Variants in DMD observed in about 807,000 individuals in gnomAD.
DMD encodes dystrophin, also known as mutant dystrophin.
Under a neutral mutation model 330.1 loss-of-function variants are expected in DMD, and 63 were observed. The ratio of observed to expected loss-of-function variants is 0.19; its 90% CI spans 0.16 to 0.24. The LOEUF (loss-of-function observed/expected upper bound fraction) is 0.24, where lower values mean the gene tolerates loss of function less well. Among genes scored for constraint, DMD ranks in the 10% least tolerant of loss-of-function variants. DMD has a pLI of 1.00. For missense variants in DMD, 3,344 were observed against 2,684.1 expected, an observed-to-expected ratio of 1.25 and a Z score of -5.43; for synonymous variants, 1,223 against 959.8, an observed-to-expected ratio of 1.27 and a Z score of -5.07.
At chrX:32,736,459 A>G (rs1020231035) in intron 7 of DMD, among the ~76,000 whole-genome samples, 11 of 110,618 alleles carry the variant, frequency 9.9e-5, no homozygotes, top group African/African-American at 3.7e-4. Flanking sequence ...ATAAAGACAC[A>G]TGCACACGTA....
chrX:33,091,125 C>T lies in DMD; in HGVS notation c.32-70925G>A, dbSNP rs759649584. 7.2e-5 allele frequency among the ~76,000 whole-genome samples: 8 copies of T among 110,794 alleles called. No homozygotes were observed. In the Middle Eastern group the frequency reaches 0.019, roughly 260 times the overall value. On this transcript the variant is annotated intron_variant, in intron 1 of 78. Coordinates refer to ENST00000357033, the MANE Select transcript of DMD (RefSeq NM_004006.3). ...AACACTAAGCATATGAGTTTGTGAG[C>T]GAAGGTTTGCACATAAATGTATATA...
At chrX:32,877,038 G>C (rs1403023561) in intron 2 of DMD, among the ~76,000 whole-genome samples, 1 of 107,484 alleles carries the variant, frequency 9.3e-6, no homozygotes, top group Non-Finnish European at 1.9e-5. Context: ...AGACACAAAG[G>C]GGTGCCAGTG....
chrX:31,467,333 C>T (rs1332921221), intron 59 of DMD, among the ~76,000 whole-genome samples: 1 of 111,298 alleles, frequency 9.0e-6, no homozygotes, highest in Non-Finnish European at 1.9e-5. Context: ...TTTTGAGATA[C>T]GTTCCATCAG....
chrX:33,229,335 T>G (rs144827514), intron 1 of DMD, among the ~76,000 whole-genome samples: 4,849 of 111,361 alleles, frequency 0.044, 243 homozygotes, highest in African/African-American at 0.15. Flanking sequence ...AGTTTTATGT[T>G]TTATATTTGA....
chrX:31,939,086 T>C (rs1385086469), intron 45 of DMD, among the ~76,000 whole-genome samples: 1 of 111,916 alleles, frequency 8.9e-6, no homozygotes, highest in East Asian at 2.8e-4. Context: ...ATCTTGTAAT[T>C]TGAGAAACTT....
In DMD at chrX:31,729,659, T is replaced by C; in HGVS notation, c.7632A>G (p.Gln2544=). Residue 2544 remains glutamine (Q), a synonymous_variant, in exon 52 of 79, where the codon CAA becomes CAG. Transcript: ENST00000357033. ...AQNLKNKTSN[Q]EARTIITDRI... The stretch of plus-strand genomic sequence containing the variant: ...GATCCGTAATGATTGTTCTAGCCTC[T>C]TGATTGCTGGTCTTGTTTTTCAAAT... 8.3e-7 allele frequency: 1 copy of C among 1,211,459 alleles called. No homozygotes were observed. The highest frequency in any genetic ancestry group is 1.7e-5 in the African/African-American group (1 of 57,879).
intron 4 of DMD, among the ~76,000 whole-genome samples, chrX:32,843,274 A>AT (rs2080337531): frequency 1.8e-5 from 2 of 112,382 alleles, no homozygotes; most frequent in Non-Finnish European, 3.8e-5. Flanking sequence ...AGAATATGAT[A>AT]TTTTGATATT....
intron 48 of DMD, among the ~76,000 whole-genome samples, chrX:31,838,370 T>A (rs2093250235): frequency 8.9e-6 from 1 of 112,065 alleles, no homozygotes; most frequent in Non-Finnish European, 1.9e-5. Flanking sequence ...TAACTGAATT[T>A]TCAACCTATA....
intron 59 of DMD, among the ~76,000 whole-genome samples, chrX:31,446,217 C>G (rs143626893): frequency 0.013 from 1,495 of 112,161 alleles, 13 homozygotes; most frequent in East Asian, 0.037. Flanking sequence ...TTAGATAATA[C>G]AAAACATTGT....
intron 59 of DMD, 112 bp downstream of exon 59, chrX:31,477,993 CG>C (rs1569546052): frequency 1.3e-5 from 11 of 842,490 alleles, no homozygotes; most frequent in Admixed American, 8.4e-5. Context: ...TTGTGAAAGA[CG>C]GACTGATTTC....
intron 47 of DMD, among the ~76,000 whole-genome samples, chrX:31,889,363 GAT>G (rs2094201005): frequency 1.8e-5 from 2 of 110,690 alleles, no homozygotes; most frequent in East Asian, 5.7e-4. Context: ...TGTTCACCTT[GAT>G]CTAAACCTAC....
Position 32,472,203 on chromosome X carries a change from G to A in DMD, c.2910C>T (p.Thr970=), listed in dbSNP as rs765442122. ...TKLSIPQLSV[T]DYEIMEQRLG... The stretch of plus-strand genomic sequence containing the variant: ...GTCTCTGCTCCATGATTTCATAGTC[G>A]GTGACACTAAGTTGAGGTATGGAGA... The change falls in exon 22 of 79, where the codon ACC becomes ACT. Residue 970 remains threonine, a synonymous_variant. Coordinates refer to ENST00000357033, the MANE Select transcript of DMD (RefSeq NM_004006.3). 7.4e-6 allele frequency: 9 copies of A among 1,209,060 alleles called. No individual in the cohort carries two copies. Among genetic ancestry groups the A allele is most frequent in the African/African-American group, 5.3e-5 (3 of 56,989 alleles).
rs1000714033 is a variant in DMD at position 32,920,792 on chromosome X, C to T, written c.94-70972G>A. Among the ~76,000 whole-genome samples the T allele has an allele frequency of 2.6e-4, 29 of 111,608 alleles. No individual in the cohort carries two copies. The Admixed American group carries it at 2.8e-3, about 11-fold the overall frequency. ...ATTGTAGGGAATAGCAAATAAATGACAAAATAACATAATCACCCAATATAA... is the reference window on the plus strand; with the variant it reads ...ATTGTAGGGAATAGCAAATAAATGATAAAATAACATAATCACCCAATATAA... On this transcript the variant is annotated intron_variant, in intron 2 of 78. Coordinates refer to ENST00000357033, the MANE Select transcript of DMD (RefSeq NM_004006.3).
At chrX:32,398,386 G>A (rs1320723641) in intron 30 of DMD, among the ~76,000 whole-genome samples, 2 of 109,136 alleles carry the variant, frequency 1.8e-5, no homozygotes, top group African/African-American at 6.6e-5. Flanking sequence ...CTATTTCAGT[G>A]TCTCCCCTAC....
Position 32,698,178 on chromosome X carries a change from C to T in DMD, c.832-180G>A, listed in dbSNP as rs187973354. ...AATTGGTATACTCCCAGAATGAAGGCACTTAATATCATGTTGGAGAGTAAA... is the reference window on the plus strand; with the variant it reads ...AATTGGTATACTCCCAGAATGAAGGTACTTAATATCATGTTGGAGAGTAAA... On this transcript the variant is annotated intron_variant, in intron 8 of 78. Transcript: ENST00000357033. 1.4e-3 allele frequency among the ~76,000 whole-genome samples: 158 copies of T among 111,102 alleles called. 1 individual carries two copies. The highest frequency in any genetic ancestry group is 4.8e-3 in the African/African-American group (148 of 30,585).
intron 11 of DMD, among the ~76,000 whole-genome samples, chrX:32,623,526 G>GTTTT (rs1569329601): frequency 9.6e-6 from 1 of 104,414 alleles, no homozygotes; most frequent in Non-Finnish European, 2.0e-5. Flanking sequence ...TATAATACTA[G>GTTTT]TATTTTTTTT....
chrX:32,309,219 T>C lies in DMD; in HGVS notation c.6117+863A>G, dbSNP rs769404939. On this transcript the variant is annotated intron_variant, in intron 42 of 78. Transcript: ENST00000357033. ...ATTTGTATATTCATACAGGCAAATG[T>C]GTGATATAGAATGAGCTTCCAGGAA... Among the ~76,000 whole-genome samples the C allele has an allele frequency of 1.4e-3, 153 of 111,731 alleles. 1 individual carries two copies. Among genetic ancestry groups the C allele is most frequent in the Non-Finnish European group, 2.5e-3 (133 of 52,834 alleles).
At chrX:32,580,723 T>G (rs1468214145) in intron 13 of DMD, among the ~76,000 whole-genome samples, 2 of 112,166 alleles carry the variant, frequency 1.8e-5, no homozygotes, top group African/African-American at 6.5e-5. Context: ...TGATAATTTT[T>G]TTTGCATTTT....
chrX:33,078,674 T>A (rs1047045098), intron 1 of DMD, among the ~76,000 whole-genome samples: 2 of 112,022 alleles, frequency 1.8e-5, no homozygotes, highest in African/African-American at 3.2e-5. Context: ...TTATATCCGA[T>A]TATAAACTGC....
Sources: gnomAD v4.1 joint callset for allele counts (sites outside exome capture counted in the v4.1 genomes callset) on GRCh38, gnomAD v4.1.1 for gene constraint, MANE v1.5 for transcripts, NCBI Gene and HGNC (gene_info 2026-07-23, HGNC 2026-07-21) for gene names.